TMEM268: variants seen among roughly 807,000 people sequenced by gnomAD.
TMEM268 encodes the protein transmembrane protein C9orf91.
TMEM268 carries 24 observed loss-of-function variants against 39.1 expected under a neutral mutation model. The observed-to-expected ratio is 0.61, with a 90% CI of 0.44 to 0.86. The LOEUF (loss-of-function observed/expected upper bound fraction) is 0.86. Among genes scored for constraint, TMEM268 ranks in the 40% least tolerant of loss-of-function variants. TMEM268 has a pLI of 0.00. For missense variants in TMEM268, 409 were observed against 428.6 expected (o/e 0.95, Z 0.40); for synonymous variants, 176 against 173.5 (o/e 1.01, Z -0.12).
chr9:114,628,397 C>A (rs999009), intron 5 of TMEM268, 147 bp downstream of exon 5: 91,670 of 828,016 alleles, frequency 0.11, 6,259 homozygotes, highest in South Asian at 0.22. Flanking sequence ...TAAAAGAAAT[C>A]AAATTGTGTA....
intron 1 of TMEM268, among the ~76,000 whole-genome samples, chr9:114,614,235 G>C (rs1336993036): frequency 2.6e-5 from 4 of 152,158 alleles, no homozygotes; most frequent in African/African-American, 7.2e-5. Context: ...TGTAGCCTTA[G>C]AGCCCAGTGC....
chr9:114,645,658 A>G lies in TMEM268; in HGVS notation c.*2345A>G, dbSNP rs1342213651. Reference sequence around the variant, plus strand: ...CCTAGAACCCCGGTAAGTAATTAACAGAGAATAAAAATGTGTTTGTTAAAT... The same window carrying G: ...CCTAGAACCCCGGTAAGTAATTAACGGAGAATAAAAATGTGTTTGTTAAAT... On this transcript the variant is annotated 3_prime_UTR_variant, in exon 9 of 9. Coordinates refer to ENST00000288502, the MANE Select transcript of TMEM268 (RefSeq NM_153045.4). The G allele has an allele frequency of 6.6e-6, 1 of 152,372 alleles. No individual in the cohort carries two copies. The highest frequency in any genetic ancestry group is 1.5e-5 in the Non-Finnish European group (1 of 68,054). 9.4% of individuals were successfully genotyped at this position (152,372 alleles called of 1,614,324 possible).
At chr9:114,634,506 C>T (rs184771919) in intron 6 of TMEM268, among the ~76,000 whole-genome samples, 10 of 152,272 alleles carry the variant, frequency 6.6e-5, no homozygotes, top group East Asian at 5.8e-4. Context: ...ACTAGTATGG[C>T]GTGGCAGGGT....
In TMEM268 at chr9:114,617,176, G is replaced by T; in HGVS notation, c.-20G>T. 1 of 1,541,610 alleles carries T rather than the reference G, an allele frequency of 6.5e-7. No individual in the cohort carries two copies. ...ACCACAGCTCTGAGAAGGGGAAGTA[G>T]AAACAGCTGGCGCCCTGCCATGGCC... On this transcript the variant is annotated 5_prime_UTR_variant, in exon 2 of 9. An upstream open reading frame in the 5' UTR loses its in-frame stop. Transcript: ENST00000288502.
At chr9:114,606,526 A>G (rs1845368309), upstream of TMEM268, among the ~76,000 whole-genome samples, 1 of 152,206 alleles carries the variant, frequency 6.6e-6, no homozygotes, top group Non-Finnish European at 1.5e-5. Flanking sequence ...TTTCGGAAAT[A>G]ATTTCTAAAA....
intron 2 of TMEM268, among the ~76,000 whole-genome samples, chr9:114,620,500 C>T (rs1162754844): frequency 5.3e-5 from 8 of 152,270 alleles, no homozygotes; most frequent in African/African-American, 1.7e-4. Context: ...CCACTTGCCT[C>T]AGCCTCCCAA....
In TMEM268 at chr9:114,611,417, G is replaced by C. The variant is rs1845476611; in HGVS notation, c.-226G>C. Reference sequence around the variant, plus strand: ...ACCGAGCGGGGCCGGCCGGGCGGGGGGCGGGCCCGTGAAGGCGGCGCAGCG... The same window carrying C: ...ACCGAGCGGGGCCGGCCGGGCGGGGCGCGGGCCCGTGAAGGCGGCGCAGCG... On this transcript the variant is annotated 5_prime_UTR_variant, in exon 1 of 9. Transcript: ENST00000288502. 1.3e-5 allele frequency: 2 copies of C among 151,634 alleles called. No homozygotes were observed. The highest frequency in any genetic ancestry group is 3.6e-4 in the South Asian group (2 of 5,622). 9.4% of individuals were successfully genotyped at this position (151,634 alleles called of 1,614,324 possible). A position where few individuals can be genotyped will look rare whatever the true frequency, so the allele number is the denominator to read the frequency against.
At chr9:114,631,306 A>T (rs1370219889) in intron 5 of TMEM268, among the ~76,000 whole-genome samples, 1 of 143,170 alleles carries the variant, frequency 7.0e-6, no homozygotes, top group Non-Finnish European at 1.5e-5. Context: ...AAAAAAAAAA[A>T]GATTGGCTGG....
At chr9:114,605,727 A>G in the TMEM268 span, among the ~76,000 whole-genome samples, 1 of 152,058 alleles carries the variant, frequency 6.6e-6, no homozygotes, top group Non-Finnish European at 1.5e-5. Context: ...TCGATGCCAG[A>G]CTGGGCAACA....
Position 114,638,716 on chromosome 9 carries a change from C to A in TMEM268, c.839C>A (p.Ala280Asp). 1 of 1,582,478 alleles carries A rather than the reference C, an allele frequency of 6.3e-7. No homozygotes were observed. The highest frequency in any genetic ancestry group is 1.2e-5 in the South Asian group (1 of 86,028). The change falls in exon 8 of 9, where the codon GCT becomes GAT. Residue 280 changes from alanine to aspartate, a missense_variant. Coordinates refer to ENST00000288502, the MANE Select transcript of TMEM268 (RefSeq NM_153045.4). ...QTELHQLVPE[A>D]EPEEMARQLL... The stretch of plus-strand genomic sequence containing the variant: ...GAGCTTCATCAGCTTGTTCCTGAGG[C>A]TGAGCCGGAGGTAACAGGCACTGGG...
Position 114,642,758 on chromosome 9 carries a change from G to T in TMEM268, c.850-376G>T, listed in dbSNP as rs537565331. Among the ~76,000 whole-genome samples the T allele has an allele frequency of 4.6e-5, 7 of 152,202 alleles. No homozygotes were observed. The East Asian group carries it at 1.2e-3, about 25-fold the overall frequency. ...GGCCTCCCAAAGTGCTGGGATTACA[G>T]GTTTGAACAACCATGCCTGGCCAGC... On this transcript the variant is annotated intron_variant, in intron 8 of 8. Transcript: ENST00000288502.
intron 5 of TMEM268, among the ~76,000 whole-genome samples, chr9:114,632,444 TCTAA>T (rs1227851803): frequency 6.6e-6 from 1 of 152,182 alleles, no homozygotes; most frequent in East Asian, 1.9e-4. Flanking sequence ...GCTGCTCTCT[TCTAA>T]CTGAGTCTGA....
chr9:114,604,974 G>A, the TMEM268 span, among the ~76,000 whole-genome samples: 1 of 152,154 alleles, frequency 6.6e-6, no homozygotes, highest in African/African-American at 2.4e-5. Flanking sequence ...ACCATGCTCT[G>A]CCTTCAGGCT....
intron 2 of TMEM268, 128 bp downstream of exon 2, chr9:114,617,429 C>T (rs1393551476): frequency 2.7e-6 from 2 of 746,216 alleles, no homozygotes; most frequent in African/African-American, 1.7e-5. Context: ...GTCATTTTTA[C>T]CAGTTCTGTC....
At chr9:114,630,305 T>TCCATCCAC (rs1846341124) in intron 5 of TMEM268, among the ~76,000 whole-genome samples, 1 of 151,916 alleles carries the variant, frequency 6.6e-6, no homozygotes, top group African/African-American at 2.4e-5. Context: ...CATCCATCCA[T>TCCATCCAC]CCATCCATCC....
At chr9:114,610,538 G>A (rs1845452940), upstream of TMEM268, among the ~76,000 whole-genome samples, 1 of 152,174 alleles carries the variant, frequency 6.6e-6, no homozygotes, top group Non-Finnish European at 1.5e-5. Flanking sequence ...ACGCACACAC[G>A]CACAGGTACA....
At chr9:114,636,367 A>G (rs1237875336) in intron 6 of TMEM268, among the ~76,000 whole-genome samples, 1 of 152,160 alleles carries the variant, frequency 6.6e-6, no homozygotes, top group Non-Finnish European at 1.5e-5. Context: ...CGCCCCGCCC[A>G]TTGAGGATGA....
At chr9:114,622,896 G>T (rs1198502593) in intron 2 of TMEM268, among the ~76,000 whole-genome samples, 1 of 152,072 alleles carries the variant, frequency 6.6e-6, no homozygotes, top group Non-Finnish European at 1.5e-5. Flanking sequence ...TTTGAGACCA[G>T]CCTGGCCAAC....
At chr9:114,630,225 G>A (rs1279375890) in intron 5 of TMEM268, among the ~76,000 whole-genome samples, 2 of 152,120 alleles carry the variant, frequency 1.3e-5, no homozygotes, top group Non-Finnish European at 2.9e-5. Flanking sequence ...CAGCAGAGCT[G>A]GGCTCTGGCC....
Sources: gnomAD v4.1 joint callset for allele counts (sites outside exome capture counted in the v4.1 genomes callset) on GRCh38, gnomAD v4.1.1 for gene constraint, MANE v1.5 for transcripts, NCBI Gene and HGNC (gene_info 2026-07-23, HGNC 2026-07-21) for gene names.